Variants in BCL11B observed in about 807,000 individuals in gnomAD.
BCL11B encodes the protein B-cell lymphoma/leukemia 11B.
Under a neutral mutation model 49.9 loss-of-function variants are expected in BCL11B, and 8 were observed. The ratio of observed to expected loss-of-function variants is 0.16; its 90% CI spans 0.09 to 0.29. The LOEUF is 0.29. Among genes scored for constraint, BCL11B ranks in the 10% least tolerant of loss-of-function variants. The pLI, the probability that BCL11B is intolerant of heterozygous loss-of-function variation, is 1.00. For synonymous variants in BCL11B, 739 were observed against 637.4 expected (o/e 1.16, Z -2.40); for missense variants, 1,006 against 1,351.0 (o/e 0.74, Z 4.00).
rs1886243169 is a variant in BCL11B, at chr14:99,170,220, A to G, written c.*3931T>C. On this transcript the variant is annotated 3_prime_UTR_variant, in exon 4 of 4. Transcript: ENST00000357195. The stretch of plus-strand genomic sequence containing the variant: ...GGATCTGCAGGTAGGAAACTGCAGT[A>G]GGAAACTGAAATCTCAGCTTTCTCT... The G allele has an allele frequency of 4.5e-6, 1 of 221,628 alleles. No individual in the cohort carries two copies. The highest frequency in any genetic ancestry group is 9.0e-6 in the Non-Finnish European group (1 of 110,604). The allele number at this position is 221,628 out of a possible 1,614,324, so 13.7% of individuals were successfully genotyped here.
chr14:99,181,988 T>C (rs976524511), intron 3 of BCL11B, among the ~76,000 whole-genome samples: 57 of 151,372 alleles, frequency 3.8e-4, no homozygotes, highest in African/African-American at 1.3e-3. Context: ...TTAAAAACTA[T>C]CCTCTTTCAT....
At chr14:99,264,735 TCAC>T (rs1889433159) in intron 1 of BCL11B, 2 of 152,194 alleles carry the variant, frequency 1.3e-5, no homozygotes, top group Non-Finnish European at 2.9e-5. Context: ...CCATCTAGTG[TCAC>T]TTTTGCCAGC....
intron 3 of BCL11B, among the ~76,000 whole-genome samples, chr14:99,207,325 A>T (rs1887560865): frequency 6.6e-6 from 1 of 152,158 alleles, no homozygotes; most frequent in Admixed American, 6.5e-5. Flanking sequence ...CTGCACCTTG[A>T]TGAGCCTTTG....
chr14:99,210,815 A>G (rs976141897), intron 3 of BCL11B, among the ~76,000 whole-genome samples: 1 of 152,064 alleles, frequency 6.6e-6, no homozygotes, highest in Non-Finnish European at 1.5e-5. Context: ...TGAGGTGGGA[A>G]CCCAGTCTTC....
chr14:99,204,157 C>T (rs1169787117), intron 3 of BCL11B, among the ~76,000 whole-genome samples: 1 of 152,104 alleles, frequency 6.6e-6, no homozygotes. Context: ...GGAGGTGGGC[C>T]CACAAAAGGG....
Position 99,192,399 on chromosome 14 carries a change from C to A in BCL11B, c.641-16204G>T. Reference sequence around the variant, plus strand: ...AGGGCTTTCGGGGCCCCGCTCGCCACAATAGGGACTGTAAACTGGGGCTGG... The same window carrying A: ...AGGGCTTTCGGGGCCCCGCTCGCCAAAATAGGGACTGTAAACTGGGGCTGG... On this transcript the variant is annotated intron_variant, in intron 3 of 3. Transcript: ENST00000357195. The surrounding 1 kb of genome is among the most constrained non-coding windows in gnomAD (Gnocchi z 4.0). 6.6e-6 allele frequency among the ~76,000 whole-genome samples: 1 copy of A among 152,292 alleles called. No homozygotes were observed. Among genetic ancestry groups the A allele is most frequent in the East Asian group, 1.9e-4 (1 of 5,172 alleles).
In BCL11B at chr14:99,169,599, C is replaced by T. The variant is rs1385925952; in HGVS notation, c.*4552G>A. The stretch of plus-strand genomic sequence containing the variant: ...AACTTGTAGTAAAAGACAAAACCTC[C>T]AAGTAAACAACAAAAGCTCATACAA... On this transcript the variant is annotated 3_prime_UTR_variant, in exon 4 of 4. Coordinates refer to ENST00000357195, the MANE Select transcript of BCL11B (RefSeq NM_138576.4). The T allele has an allele frequency of 2.9e-5, 6 of 208,956 alleles. No individual in the cohort carries two copies. Among genetic ancestry groups the T allele is most frequent in the Non-Finnish European group, 3.9e-5 (4 of 102,492 alleles). 12.9% of individuals were successfully genotyped at this position (208,956 alleles called of 1,614,324 possible).
chr14:99,250,907 C>CT (rs372533006), intron 2 of BCL11B, among the ~76,000 whole-genome samples: 1 of 151,636 alleles, frequency 6.6e-6, no homozygotes, highest in Non-Finnish European at 1.5e-5. Context: ...TATTGTCTGT[C>CT]TTTTTTTTAA....
rs1161757682 is a variant in BCL11B at position 99,262,204 on chromosome 14, G to A, written c.59-4365C>T. On this transcript the variant is annotated intron_variant, in intron 1 of 3. Transcript: ENST00000357195. The surrounding 1 kb of genome is among the most constrained non-coding windows in gnomAD (Gnocchi z 4.2). ...CTGGCCAGTGACTCCCCCACACACA[G>A]GGTGCCAAGGACCCCGCCCTCCCTG... is the stretch of plus-strand genomic sequence containing the variant. Among the ~76,000 whole-genome samples, 5 of 152,200 alleles carry A rather than the reference G, an allele frequency of 3.3e-5. No individual in the cohort carries two copies. The highest frequency in any genetic ancestry group is 1.2e-4 in the African/African-American group (5 of 41,440).
intron 1 of BCL11B, among the ~76,000 whole-genome samples, chr14:99,266,099 T>C (rs1220947611): frequency 6.6e-6 from 1 of 152,238 alleles, no homozygotes; most frequent in Non-Finnish European, 1.5e-5. Flanking sequence ...AGCAATCACA[T>C]ACTCTTTCCA....
rs146819902 is a variant in BCL11B at position 99,217,159 on chromosome 14, T to C, written c.640+14186A>G. On this transcript the variant is annotated intron_variant, in intron 3 of 3. Transcript: ENST00000357195. ...ACAAATACGTATGTATATGCACACA[T>C]ATATACAAATATGTATATATACCCT... Among the ~76,000 whole-genome samples the C allele has an allele frequency of 9.5e-4, 144 of 152,202 alleles. 1 individual carries two copies. The highest frequency in any genetic ancestry group is 3.1e-3 in the African/African-American group (127 of 41,500).
In BCL11B at chr14:99,194,107, G is replaced by C. The variant is rs892561295; in HGVS notation, c.641-17912C>G. On this transcript the variant is annotated intron_variant, in intron 3 of 3. Coordinates refer to ENST00000357195, the MANE Select transcript of BCL11B (RefSeq NM_138576.4). This position sits in a 1 kb window ranked among gnomAD's most constrained non-coding sequence, Gnocchi z 4.6. ...AAGGAATGGGAATGTCGTGAGAAACGTGCATGACCCCACACATGAATTCTC... is the reference window on the plus strand; with the variant it reads ...AAGGAATGGGAATGTCGTGAGAAACCTGCATGACCCCACACATGAATTCTC... Among the ~76,000 whole-genome samples, 1 of 152,146 alleles carries C rather than the reference G, an allele frequency of 6.6e-6. No individual in the cohort carries two copies. Among genetic ancestry groups the C allele is most frequent in the Non-Finnish European group, 1.5e-5 (1 of 68,024 alleles).
intron 3 of BCL11B, among the ~76,000 whole-genome samples, chr14:99,178,346 G>A (rs1595219268): frequency 6.6e-6 from 1 of 152,162 alleles, no homozygotes; most frequent in Non-Finnish European, 1.5e-5. Context: ...AGGGTGTCTG[G>A]GTCATTTCCC....
Position 99,241,545 on chromosome 14 carries a change from G to A in BCL11B, c.428-9988C>T, listed in dbSNP as rs1471265761. Among the ~76,000 whole-genome samples, 1 of 152,126 alleles carries A rather than the reference G, an allele frequency of 6.6e-6. No homozygotes were observed. The highest frequency in any genetic ancestry group is 1.5e-5 in the Non-Finnish European group (1 of 68,014). ...ATTAAGTCTTGGGGCTGAGACGAAG[G>A]GAACCTGACTCAGCTCCTCCGCCTC... is the stretch of plus-strand genomic sequence containing the variant. On this transcript the variant is annotated intron_variant, in intron 2 of 3. Transcript: ENST00000357195. This position sits in a 1 kb window ranked among gnomAD's most constrained non-coding sequence, Gnocchi z 4.4.
intron 3 of BCL11B, among the ~76,000 whole-genome samples, chr14:99,209,354 C>A (rs1441477344): frequency 6.6e-6 from 1 of 152,168 alleles, no homozygotes; most frequent in African/African-American, 2.4e-5. Flanking sequence ...CTGACATCCG[C>A]AGGGGACTCC....
At chr14:99,233,461 A>T (rs548448934) in intron 2 of BCL11B, among the ~76,000 whole-genome samples, 1 of 152,320 alleles carries the variant, frequency 6.6e-6, no homozygotes, top group Non-Finnish European at 1.5e-5. Flanking sequence ...CGGAAGTCTG[A>T]GATCCCTGGG....
chr14:99,221,292 C>T (rs1888000659), intron 3 of BCL11B, among the ~76,000 whole-genome samples: 1 of 152,248 alleles, frequency 6.6e-6, no homozygotes, highest in African/African-American at 2.4e-5. Flanking sequence ...CCCAGTGGGC[C>T]TTGCCCCACT....
At chr14:99,202,767 C>T (rs778893877) in intron 3 of BCL11B, among the ~76,000 whole-genome samples, 5 of 152,188 alleles carry the variant, frequency 3.3e-5, no homozygotes, top group African/African-American at 7.2e-5. Flanking sequence ...CAGGGAATAG[C>T]GAGGCCGAGG....
intron 2 of BCL11B, among the ~76,000 whole-genome samples, chr14:99,254,227 CTT>C (rs1025767833): frequency 6.6e-6 from 1 of 152,234 alleles, no homozygotes; most frequent in Non-Finnish European, 1.5e-5. Context: ...GCTTCAGAAA[CTT>C]CCTCCCTCTA....
Sources: allele counts gnomAD v4.1 joint callset (sites outside exome capture counted in the v4.1 genomes callset), GRCh38; gene constraint gnomAD v4.1.1; non-coding constraint Gnocchi (gnomAD v3.1); transcripts MANE v1.5; gene names NCBI Gene and HGNC (gene_info 2026-07-23, HGNC 2026-07-21).